The following AKAP19 variants were observed in gnomAD, a reference collection of about 807,000 sequenced individuals.
The protein encoded by AKAP19 is small A-kinase anchoring protein.
chr2:189,941,002 CAAGAG>C, the AKAP19 span, among the ~76,000 whole-genome samples: 1 of 152,078 alleles, frequency 6.6e-6, no homozygotes, highest in Non-Finnish European at 1.5e-5. Context: ...TTAAAAATAG[CAAGAG>C]AAAAGAAGAA....
At chr2:190,070,622 C>CT in the AKAP19 span, among the ~76,000 whole-genome samples, 3 of 136,598 alleles carry the variant, frequency 2.2e-5, no homozygotes, top group East Asian at 2.4e-4. Flanking sequence ...TCTCCCCCCC[C>CT]CCTTTTTTTT....
the AKAP19 span, among the ~76,000 whole-genome samples, chr2:189,915,050 A>G: frequency 1.3e-5 from 2 of 152,160 alleles, no homozygotes; most frequent in Non-Finnish European, 2.9e-5. Flanking sequence ...TGTGATTATT[A>G]AATCGTTTAG....
the AKAP19 span, among the ~76,000 whole-genome samples, chr2:190,021,160 T>C: frequency 6.6e-6 from 1 of 152,220 alleles, no homozygotes; most frequent in African/African-American, 2.4e-5. Flanking sequence ...ACTGAAATGT[T>C]TTGCCTATTG....
chr2:190,191,099 T>C, the AKAP19 span, among the ~76,000 whole-genome samples: 2 of 152,182 alleles, frequency 1.3e-5, no homozygotes, highest in Non-Finnish European at 2.9e-5. Flanking sequence ...TTGTCAACTT[T>C]TGGCAATTAT....
At chr2:189,945,781 C>A in the AKAP19 span, among the ~76,000 whole-genome samples, 1 of 152,156 alleles carries the variant, frequency 6.6e-6, no homozygotes, top group East Asian at 1.9e-4. Flanking sequence ...ATAATCTGCA[C>A]CTCTTTCATC....
At chr2:189,930,890 C>T in the AKAP19 span, 2 of 719,496 alleles carry the variant, frequency 2.8e-6, no homozygotes, top group South Asian at 3.1e-5. Context: ...GGAACCTGTT[C>T]CTGATATGGC....
chr2:189,894,437 C>T, the AKAP19 span, among the ~76,000 whole-genome samples: 1 of 152,056 alleles, frequency 6.6e-6, no homozygotes, highest in African/African-American at 2.4e-5. Flanking sequence ...TGGGCATCCT[C>T]AAATAAAATC....
the AKAP19 span, among the ~76,000 whole-genome samples, chr2:189,937,307 T>G: frequency 4.1e-3 from 619 of 152,154 alleles, 5 homozygotes; most frequent in African/African-American, 0.014. Flanking sequence ...GTTATGCAGG[T>G]GTATATGTCC....
At chr2:190,199,641 T>TC in the AKAP19 span, 1 of 1,161,150 alleles carries the variant, frequency 8.6e-7, no homozygotes. Flanking sequence ...TGCCACTCAA[T>TC]CATACACTAT....
chr2:190,073,272 A>G, the AKAP19 span, among the ~76,000 whole-genome samples: 14 of 152,206 alleles, frequency 9.2e-5, no homozygotes, highest in East Asian at 3.8e-4. Flanking sequence ...AGAAAGTGGA[A>G]TACTCTGAAA....
chr2:190,059,851 A>G, the AKAP19 span, among the ~76,000 whole-genome samples: 1 of 151,934 alleles, frequency 6.6e-6, no homozygotes, highest in Non-Finnish European at 1.5e-5. Context: ...GTTTTCTAAA[A>G]TCTTGATGCA....
chr2:190,153,040 T>G, the AKAP19 span, among the ~76,000 whole-genome samples: 1 of 151,986 alleles, frequency 6.6e-6, no homozygotes, highest in Non-Finnish European at 1.5e-5. Context: ...GGACTACAGG[T>G]GTCCACCACG....
the AKAP19 span, among the ~76,000 whole-genome samples, chr2:189,946,833 A>G: frequency 1.2e-4 from 19 of 152,346 alleles, no homozygotes; most frequent in East Asian, 3.5e-3. Context: ...ATATAGTTAC[A>G]TAAGAGTAGT....
the AKAP19 span, among the ~76,000 whole-genome samples, chr2:189,904,994 C>T: frequency 1.3e-5 from 2 of 151,978 alleles, no homozygotes; most frequent in African/African-American, 4.8e-5. Flanking sequence ...TATCTCTTCA[C>T]TTTTCTATCC....
chr2:190,193,821 T>C, the AKAP19 span, among the ~76,000 whole-genome samples: 1 of 152,136 alleles, frequency 6.6e-6, no homozygotes, highest in Admixed American at 6.5e-5. Context: ...TACCTACTTC[T>C]GTCTACTTAT....
chr2:189,923,546 G>C, the AKAP19 span: 1 of 1,613,810 alleles, frequency 6.2e-7, no homozygotes, highest in African/African-American at 1.3e-5. Flanking sequence ...AGCAGGAGAG[G>C]ATGGCAGAAT....
At chr2:189,887,779 T>G in the AKAP19 span, among the ~76,000 whole-genome samples, 1 of 152,218 alleles carries the variant, frequency 6.6e-6, no homozygotes, top group African/African-American at 2.4e-5. Context: ...TTGAGAAGTG[T>G]CTGTTCATAT....
chr2:189,976,351 G>T, the AKAP19 span, among the ~76,000 whole-genome samples: 1 of 152,030 alleles, frequency 6.6e-6, no homozygotes, highest in Non-Finnish European at 1.5e-5. Flanking sequence ...TTCGTCTCAG[G>T]GGGGTACCAG....
chr2:190,165,088 T>C, the AKAP19 span, among the ~76,000 whole-genome samples: 1 of 152,200 alleles, frequency 6.6e-6, no homozygotes, highest in Non-Finnish European at 1.5e-5. Context: ...CTTCATCTTA[T>C]AAGAACCAGA....
Sources: allele counts gnomAD v4.1 joint callset (sites outside exome capture counted in the v4.1 genomes callset), GRCh38; gene constraint gnomAD v4.1.1; transcripts MANE v1.5; gene names NCBI Gene and HGNC (gene_info 2026-07-23, HGNC 2026-07-21).